PDE11A: variants seen among roughly 807,000 people sequenced by gnomAD.
PDE11A encodes the protein dual 3',5'-cyclic-AMP and -GMP phosphodiesterase 11A.
PDE11A carries 100 observed loss-of-function variants against 100.5 expected under a neutral mutation model. That is an observed-to-expected ratio of 1.00 (90% CI 0.85 to 1.18). PDE11A has a LOEUF of 1.18. Among genes scored for constraint, PDE11A ranks in the 50% most tolerant of loss-of-function variants. The pLI is 0.00. For synonymous variants in PDE11A, 381 were observed against 420.8 expected, an observed-to-expected ratio of 0.91 and a Z score of 1.16; for missense variants, 1,141 against 1,152.6, an observed-to-expected ratio of 0.99 and a Z score of 0.15.
rs534034899 is a variant in PDE11A, at chr2:177,634,778, C to T, written c.2647-5216G>A. Among the ~76,000 whole-genome samples the T allele has an allele frequency of 3.3e-5, 5 of 152,272 alleles. No individual in the cohort carries two copies. The South Asian group carries it at 1.0e-3, about 32-fold the overall frequency. ...AAATACTAGTAAAGCAAGGGTTTAT[C>T]CACGAACCTAAATTCCAAGGCTTAT... On this transcript the variant is annotated intron_variant, in intron 19 of 19. Transcript: ENST00000286063.
At chr2:178,039,999 G>T (rs940152323) in intron 1 of PDE11A, among the ~76,000 whole-genome samples, 53 of 151,588 alleles carry the variant, frequency 3.5e-4, no homozygotes, top group African/African-American at 1.2e-3. Flanking sequence ...AATGAAGGTG[G>T]TGGTGACAAG....
At chr2:177,916,022 T>A (rs1216619402) in intron 2 of PDE11A, among the ~76,000 whole-genome samples, 1 of 152,224 alleles carries the variant, frequency 6.6e-6, no homozygotes, top group African/African-American at 2.4e-5. Flanking sequence ...AATACACCTA[T>A]AATACATTCT....
chr2:177,824,727 A>G (rs2083200329), intron 6 of PDE11A, among the ~76,000 whole-genome samples: 2 of 152,220 alleles, frequency 1.3e-5, no homozygotes, highest in South Asian at 4.1e-4. Context: ...AACTGAAGGC[A>G]GTTGGTTAAG....
At chr2:177,906,549 A>G (rs775225284) in intron 2 of PDE11A, among the ~76,000 whole-genome samples, 7 of 152,322 alleles carry the variant, frequency 4.6e-5, no homozygotes, top group Middle Eastern at 3.4e-3. Flanking sequence ...CTATGACCTC[A>G]TTTTTAAAGA....
chr2:178,085,719 A>G (rs764905912), intron 2 of PDE11A, among the ~76,000 whole-genome samples: 1 of 152,160 alleles, frequency 6.6e-6, no homozygotes, highest in Non-Finnish European at 1.5e-5. Context: ...GAATCCAGAG[A>G]TCCTAGAAGT....
intron 1 of PDE11A, among the ~76,000 whole-genome samples, chr2:178,058,919 T>C (rs1477588963): frequency 1.3e-5 from 2 of 152,204 alleles, no homozygotes; most frequent in Non-Finnish European, 2.9e-5. Context: ...GACAAAGTCA[T>C]AGTCTAGGCC....
chr2:177,918,012 A>G (rs10930817), intron 2 of PDE11A, among the ~76,000 whole-genome samples: 13,070 of 152,284 alleles, frequency 0.086, 534 homozygotes, highest in South Asian at 0.099. Context: ...AGTTGTATCT[A>G]TGCAACTAAA....
chr2:177,962,032 G>T (rs909468971), intron 2 of PDE11A, among the ~76,000 whole-genome samples: 1 of 135,618 alleles, frequency 7.4e-6, no homozygotes, highest in Non-Finnish European at 1.5e-5. Flanking sequence ...ACTCCAGCCT[G>T]GGTGACAGAG....
intron 2 of PDE11A, among the ~76,000 whole-genome samples, chr2:177,930,204 T>G (rs1207628645): frequency 6.6e-6 from 1 of 152,220 alleles, no homozygotes; most frequent in Non-Finnish European, 1.5e-5. Flanking sequence ...AGCTAATTTT[T>G]CTGATAAATT....
intron 2 of PDE11A, among the ~76,000 whole-genome samples, chr2:177,987,615 G>T (rs2085955561): frequency 1.3e-5 from 2 of 152,144 alleles, no homozygotes; most frequent in Admixed American, 6.5e-5. Flanking sequence ...TTATTAAATT[G>T]CAGGATGAGT....
chr2:177,859,407 TA>T (rs755054052), intron 5 of PDE11A, among the ~76,000 whole-genome samples: 2 of 151,590 alleles, frequency 1.3e-5, no homozygotes, highest in African/African-American at 4.8e-5. Flanking sequence ...TATTTGATAT[TA>T]AAAAAAGAAA....
intron 9 of PDE11A, among the ~76,000 whole-genome samples, chr2:177,785,015 T>C (rs10182017): frequency 0.33 from 50,545 of 152,002 alleles, 8,775 homozygotes; most frequent in African/African-American, 0.39. Context: ...AACTTTGTTT[T>C]CTTAATTTGT....
chr2:177,638,190 AG>A (rs1225350667), intron 19 of PDE11A, among the ~76,000 whole-genome samples: 1 of 151,580 alleles, frequency 6.6e-6, no homozygotes, highest in Non-Finnish European at 1.5e-5. Context: ...TAGTAGAGAC[AG>A]GGTTTCACCG....
intron 10 of PDE11A, among the ~76,000 whole-genome samples, chr2:177,745,539 AG>A (rs1301535808): frequency 6.6e-6 from 1 of 152,188 alleles, no homozygotes; most frequent in African/African-American, 2.4e-5. Flanking sequence ...GTGAGATGCC[AG>A]GGTGGGAAGC....
intron 4 of PDE11A, among the ~76,000 whole-genome samples, chr2:177,885,013 T>A (rs954794175): frequency 6.6e-6 from 1 of 152,084 alleles, no homozygotes; most frequent in South Asian, 2.1e-4. Flanking sequence ...TGGGATGGGA[T>A]GTAATGGAGA....
chr2:177,888,196 C>T lies in PDE11A; in HGVS notation c.1302+9862G>A, dbSNP rs114122280. The stretch of plus-strand genomic sequence containing the variant: ...AATGACAGGTCAAGAATAAGCAAGC[C>T]AGTTTTAAAGGGGAACAACACTGAG... On this transcript the variant is annotated intron_variant, in intron 4 of 19. Transcript: ENST00000286063. 2.2e-3 allele frequency among the ~76,000 whole-genome samples: 342 copies of T among 152,176 alleles called. 3 individuals carry two copies. Among genetic ancestry groups the T allele is most frequent in the African/African-American group, 7.9e-3 (330 of 41,526 alleles).
intron 9 of PDE11A, among the ~76,000 whole-genome samples, chr2:177,798,536 G>A (rs2082738598): frequency 6.6e-6 from 1 of 152,168 alleles, no homozygotes; most frequent in South Asian, 2.1e-4. Flanking sequence ...ATAATTATTA[G>A]AAGTAGTACA....
intron 9 of PDE11A, among the ~76,000 whole-genome samples, chr2:177,778,109 C>G (rs149231222): frequency 6.6e-6 from 1 of 152,186 alleles, no homozygotes; most frequent in African/African-American, 2.4e-5. Flanking sequence ...AAAGAAGTCA[C>G]GTTTTTGTGT....
At chr2:177,692,756 T>A (rs1034264028) in intron 15 of PDE11A, among the ~76,000 whole-genome samples, 4 of 152,260 alleles carry the variant, frequency 2.6e-5, no homozygotes, top group African/African-American at 9.6e-5. Context: ...TTTAATCTTG[T>A]GAATTCTGCT....
Sources: gnomAD v4.1 joint callset for allele counts (sites outside exome capture counted in the v4.1 genomes callset) on GRCh38, gnomAD v4.1.1 for gene constraint, MANE v1.5 for transcripts, NCBI Gene and HGNC (gene_info 2026-07-23, HGNC 2026-07-21) for gene names.